RAB27B: variants seen among roughly 807,000 people sequenced by gnomAD.
The protein encoded by RAB27B is ras-related protein Rab-27B.
In RAB27B, 15 loss-of-function variants were observed where a neutral mutation model predicts 24.6. That is an observed-to-expected ratio of 0.61 (90% CI 0.41 to 0.94). The LOEUF (loss-of-function observed/expected upper bound fraction) is 0.94. Ranked by LOEUF, RAB27B falls within the 40% of genes least tolerant of loss-of-function variation. RAB27B has a pLI of 0.00. For synonymous variants in RAB27B, 105 were observed against 92.5 expected, an observed-to-expected ratio of 1.14 and a Z score of -0.78; for missense variants, 261 against 266.8, an observed-to-expected ratio of 0.98 and a Z score of 0.15.
chr18:54,761,045 T>C (rs1194772192), intron 2 of RAB27B, among the ~76,000 whole-genome samples: 2 of 151,844 alleles, frequency 1.3e-5, no homozygotes, highest in Non-Finnish European at 2.9e-5. Context: ...GAGAATCTGA[T>C]ATCACAAATG....
chr18:54,730,877 C>G (rs138362940), intron 2 of RAB27B, among the ~76,000 whole-genome samples: 120 of 152,274 alleles, frequency 7.9e-4, no homozygotes, highest in African/African-American at 2.7e-3. Context: ...AATGCAAGAA[C>G]GTACTAACAC....
At chr18:54,739,393 T>TTACAGTGAG (rs1192902891) in intron 2 of RAB27B, among the ~76,000 whole-genome samples, 2 of 149,958 alleles carry the variant, frequency 1.3e-5, no homozygotes, top group Non-Finnish European at 3.0e-5. Flanking sequence ...TAGGCGGAGG[T>TTACAGTGAG]TACAGTGAGC....
rs869256244 is a variant in RAB27B, at chr18:54,799,614, A to ATTTTTT, written c.-19-77924_-19-77919dup. 2.1e-3 allele frequency among the ~76,000 whole-genome samples: 140 copies of ATTTTTT among 67,578 alleles called. 7 individuals are homozygous for ATTTTTT. Among genetic ancestry groups the ATTTTTT allele is most frequent in the African/African-American group, 7.8e-3 (130 of 16,614 alleles). The allele number at this position is 67,578 out of a possible 152,430, so 44.3% of individuals were successfully genotyped here. On this transcript the variant is annotated intron_variant, in intron 2 of 4. Coordinates refer to the RAB27B transcript ENST00000586570. ...AAATATCAGAATATATAATAAAATG[A>ATTTTTT]TTTTTTTTTTTTTTTTTTTTTTTTT...
At chr18:54,811,787 C>T (rs1006296297) in intron 2 of RAB27B, among the ~76,000 whole-genome samples, 1 of 152,128 alleles carries the variant, frequency 6.6e-6, no homozygotes, top group African/African-American at 2.4e-5. Context: ...GGCTTTTTGT[C>T]TTTGCAGCTT....
chr18:54,792,660 C>G (rs944074646), intron 2 of RAB27B, among the ~76,000 whole-genome samples: 3 of 152,070 alleles, frequency 2.0e-5, no homozygotes, highest in Non-Finnish European at 2.9e-5. Flanking sequence ...TTACTATCTT[C>G]TTTCATATTC....
In RAB27B at chr18:54,894,650, A is replaced by T. The variant is rs1211592384; in HGVS notation, c.*5237A>T. ...AAATAGCTTAGTGATTTATCCTCAT[A>T]TAGGGCTTATAAACCCTGTATGTGT... is the stretch of plus-strand genomic sequence containing the variant. On this transcript the variant is annotated 3_prime_UTR_variant, in exon 6 of 6. Coordinates refer to ENST00000262094, the MANE Select transcript of RAB27B (RefSeq NM_004163.4). 2.0e-5 allele frequency: 3 copies of T among 152,196 alleles called. No individual in the cohort carries two copies. Among genetic ancestry groups the T allele is most frequent in the African/African-American group, 7.2e-5 (3 of 41,562 alleles). 9.4% of individuals were successfully genotyped at this position (152,196 alleles called of 1,614,324 possible). A position where few individuals can be genotyped will look rare whatever the true frequency, so the allele number is the denominator to read the frequency against.
chr18:54,777,370 A>C (rs1908749589), intron 2 of RAB27B, among the ~76,000 whole-genome samples: 1 of 152,212 alleles, frequency 6.6e-6, no homozygotes, highest in Non-Finnish European at 1.5e-5. Flanking sequence ...AGTGAATGAG[A>C]AAATGTTACT....
At chr18:54,876,796 G>C (rs1291473746) in intron 1 of RAB27B, among the ~76,000 whole-genome samples, 3 of 152,118 alleles carry the variant, frequency 2.0e-5, no homozygotes, top group Non-Finnish European at 4.4e-5. Context: ...TCCATTATCT[G>C]TCTATAAGTG....
intron 2 of RAB27B, among the ~76,000 whole-genome samples, chr18:54,812,122 A>C (rs1327240909): frequency 6.6e-6 from 1 of 152,170 alleles, no homozygotes; most frequent in Non-Finnish European, 1.5e-5. Context: ...GTCTTTATGA[A>C]TGAATACCTT....
At chr18:54,818,882 C>T (rs1261410744) in intron 2 of RAB27B, among the ~76,000 whole-genome samples, 1 of 151,802 alleles carries the variant, frequency 6.6e-6, no homozygotes, top group Non-Finnish European at 1.5e-5. Context: ...AGACTCACAC[C>T]AAAAATATGA....
intron 2 of RAB27B, among the ~76,000 whole-genome samples, chr18:54,776,979 A>G (rs1908736830): frequency 6.6e-6 from 1 of 152,166 alleles, no homozygotes; most frequent in African/African-American, 2.4e-5. Flanking sequence ...TGGGAGGCAG[A>G]GGTTGCAGTG....
rs899606106 is a variant in RAB27B, at chr18:54,845,739, C to T, written c.-20+17039C>T. ...AGAACAGAACCCTCCTTTCTGTTAA[C>T]CTGCTATTCTAATTGTTGTAAATAT... On this transcript the variant is annotated intron_variant, in intron 1 of 5. Coordinates refer to ENST00000262094, the MANE Select transcript of RAB27B (RefSeq NM_004163.4). Among the ~76,000 whole-genome samples, 4 of 152,248 alleles carry T rather than the reference C, an allele frequency of 2.6e-5. No individual in the cohort carries two copies. In the East Asian group the frequency reaches 7.7e-4, roughly 29 times the overall value.
At chr18:54,766,494 TTTG>T (rs1297482418) in intron 2 of RAB27B, among the ~76,000 whole-genome samples, 2 of 152,092 alleles carry the variant, frequency 1.3e-5, no homozygotes, top group Admixed American at 1.3e-4. Flanking sequence ...TTTAAGTTTT[TTTG>T]TTTTTTGTTT....
intron 2 of RAB27B, among the ~76,000 whole-genome samples, chr18:54,739,470 A>G (rs867882428): frequency 2.6e-4 from 39 of 150,652 alleles, no homozygotes; most frequent in East Asian, 7.8e-4. Context: ...AAAAAAAAAA[A>G]AAAGAAAGAA....
intron 2 of RAB27B, among the ~76,000 whole-genome samples, chr18:54,879,102 G>T (rs1261043706): frequency 1.3e-5 from 2 of 152,166 alleles, no homozygotes; most frequent in Non-Finnish European, 2.9e-5. Context: ...TCCTAAATCT[G>T]ATGTTTGCTG....
At chr18:54,770,220 T>C (rs1056189979) in intron 2 of RAB27B, among the ~76,000 whole-genome samples, 2 of 152,154 alleles carry the variant, frequency 1.3e-5, no homozygotes, top group South Asian at 4.1e-4. Flanking sequence ...GTCTATGGCC[T>C]GTTAGGAACA....
At chr18:54,762,920 T>A (rs917783399) in intron 2 of RAB27B, among the ~76,000 whole-genome samples, 1 of 152,206 alleles carries the variant, frequency 6.6e-6, no homozygotes, top group Admixed American at 6.5e-5. Flanking sequence ...GGGTTCAGTG[T>A]GTGTCACAAT....
At chr18:54,855,558 T>C (rs1185997931) in intron 1 of RAB27B, among the ~76,000 whole-genome samples, 2 of 152,156 alleles carry the variant, frequency 1.3e-5, no homozygotes, top group Non-Finnish European at 2.9e-5. Flanking sequence ...TCTTCAGTAG[T>C]CTTACCCTTG....
intron 1 of RAB27B, among the ~76,000 whole-genome samples, chr18:54,835,281 T>A (rs907822440): frequency 4.6e-5 from 7 of 151,918 alleles, no homozygotes; most frequent in Non-Finnish European, 1.0e-4. Context: ...TTGGAGTAAC[T>A]TAAGCCTCTA....
Sources: allele counts gnomAD v4.1 joint callset (sites outside exome capture counted in the v4.1 genomes callset), GRCh38; gene constraint gnomAD v4.1.1; transcripts MANE v1.5; gene names NCBI Gene and HGNC (gene_info 2026-07-23, HGNC 2026-07-21).